The following APOD variants were observed in gnomAD, a reference collection of about 807,000 sequenced individuals.
APOD encodes apo-D.
In APOD, 22 loss-of-function variants were observed where a neutral mutation model predicts 20.4. The ratio of observed to expected loss-of-function variants is 1.08; its 90% CI spans 0.77 to 1.54. The LOEUF (loss-of-function observed/expected upper bound fraction) is 1.54. APOD is among the 40% of genes most tolerant of loss of function. The pLI is 0.00. For missense variants in APOD, 223 were observed against 229.6 expected (o/e 0.97, Z 0.19); for synonymous variants, 97 against 92.4 (o/e 1.05, Z -0.29).
intron 2 of APOD, among the ~76,000 whole-genome samples, chr3:195,576,060 A>G (rs1310322683): frequency 6.6e-6 from 1 of 152,226 alleles, no homozygotes; most frequent in African/African-American, 2.4e-5. Context: ...ATTCATGACC[A>G]TAAAGTTCTA....
chr3:195,569,785 C>G (rs1320435783), intron 4 of APOD, among the ~76,000 whole-genome samples: 1 of 86,920 alleles, frequency 1.2e-5, no homozygotes, highest in Non-Finnish European at 2.2e-5. Flanking sequence ...TCTTCTTCTT[C>G]GTTTTTTTTT....
intron 4 of APOD, among the ~76,000 whole-genome samples, chr3:195,569,902 C>T (rs1256631541): frequency 2.7e-5 from 4 of 145,760 alleles, no homozygotes; most frequent in Non-Finnish European, 5.9e-5. Context: ...TGGGTTCAAG[C>T]GATTCTCCTG....
intron 4 of APOD, 23 bp from the exon 5 acceptor site, chr3:195,569,158 A>G: frequency 1.3e-6 from 2 of 1,598,530 alleles, no homozygotes; most frequent in South Asian, 2.2e-5. Flanking sequence ...GAGAGGCAGC[A>G]TTATTGGAGG....
intron 3 of APOD, among the ~76,000 whole-genome samples, chr3:195,573,170 A>G (rs1720194844): frequency 6.6e-6 from 1 of 152,248 alleles, no homozygotes; most frequent in Non-Finnish European, 1.5e-5. Flanking sequence ...TCAGGACACC[A>G]GTCTCTGACC....
At position 195,568,792 on chromosome 3, in the gene APOD, G is replaced by T; in HGVS notation, c.*108C>A. On this transcript the variant is annotated 3_prime_UTR_variant, in exon 5 of 5. Transcript: ENST00000343267. ...AGGGTAGGGCATGGTTACATGTTCAGGTCAACTTCCTTTGTCGTGGTTGAT... is the reference window on the plus strand; with the variant it reads ...AGGGTAGGGCATGGTTACATGTTCATGTCAACTTCCTTTGTCGTGGTTGAT... 2 of 775,922 alleles carry T rather than the reference G, an allele frequency of 2.6e-6. No homozygotes were observed. Among genetic ancestry groups the T allele is most frequent in the Non-Finnish European group, 4.4e-6 (2 of 459,748 alleles). 48.1% of individuals were successfully genotyped at this position (775,922 alleles called of 1,614,324 possible).
At chr3:195,576,175 G>C (rs898562985) in intron 2 of APOD, among the ~76,000 whole-genome samples, 4 of 152,130 alleles carry the variant, frequency 2.6e-5, no homozygotes, top group Non-Finnish European at 5.9e-5. Flanking sequence ...AGACATTCTC[G>C]GAAGAAGCTC....
intron 1 of APOD, among the ~76,000 whole-genome samples, chr3:195,583,631 GT>G (rs1186951235): frequency 1.3e-5 from 2 of 152,180 alleles, no homozygotes; most frequent in Non-Finnish European, 2.9e-5. Flanking sequence ...TTCACACTGG[GT>G]TTGGTTTTAT....
intron 1 of APOD, among the ~76,000 whole-genome samples, chr3:195,581,972 C>A (rs1720346284): frequency 6.6e-6 from 1 of 152,090 alleles, no homozygotes. Context: ...AGTTCAAGAC[C>A]AGCCTGACCA....
Position 195,575,131 on chromosome 3 carries a change from C to T in APOD, c.124-1160G>A, listed in dbSNP as rs139768086. Among the ~76,000 whole-genome samples, 191 of 152,286 alleles carry T rather than the reference C, an allele frequency of 1.3e-3. 1 individual carries two copies. Among genetic ancestry groups the T allele is most frequent in the African/African-American group, 4.3e-3 (180 of 41,564 alleles). On this transcript the variant is annotated intron_variant, in intron 2 of 4. Coordinates refer to ENST00000343267, the MANE Select transcript of APOD (RefSeq NM_001647.4). ...CTTGCCTTTTCCAAGTTCTACAGGC[C>T]GCCTACATTCCTTGGCTTGAGGCTT... is the stretch of plus-strand genomic sequence containing the variant.
At chr3:195,581,822 T>C (rs1577607490) in intron 1 of APOD, among the ~76,000 whole-genome samples, 1 of 152,310 alleles carries the variant, frequency 6.6e-6, no homozygotes, top group South Asian at 2.1e-4. Context: ...AACAACCCCT[T>C]TGACTGACCC....
chr3:195,578,852 G>C (rs1172094863), intron 2 of APOD, among the ~76,000 whole-genome samples: 7 of 152,180 alleles, frequency 4.6e-5, no homozygotes, highest in Non-Finnish European at 8.8e-5. Context: ...CCCTGGTCCT[G>C]TTCCCCTCAG....
intron 3 of APOD, among the ~76,000 whole-genome samples, chr3:195,572,738 G>C (rs187110697): frequency 6.6e-6 from 1 of 152,146 alleles, no homozygotes; most frequent in East Asian, 1.9e-4. Context: ...TTGGCCGGGC[G>C]TGGTGGCTCA....
At chr3:195,572,239 C>T (rs1181722183) in intron 3 of APOD, among the ~76,000 whole-genome samples, 2 of 152,196 alleles carry the variant, frequency 1.3e-5, no homozygotes, top group Admixed American at 6.5e-5. Context: ...GGCCTGAGTC[C>T]AGAGACTCCC....
rs34868553 is a variant in APOD at position 195,571,782 on chromosome 3, C to CT, written c.246-418dup. ...CAACCCAACACACAAAGAAGATTCA[C>CT]TTTTTTTTTTTTTTGGAGATGGAGT... On this transcript the variant is annotated intron_variant, in intron 3 of 4. Transcript: ENST00000343267. 4.2e-3 allele frequency among the ~76,000 whole-genome samples: 614 copies of CT among 144,928 alleles called. 3 individuals carry two copies. Among genetic ancestry groups the CT allele is most frequent in the Middle Eastern group, 7.2e-3 (2 of 276 alleles).
intron 3 of APOD, among the ~76,000 whole-genome samples, chr3:195,572,028 G>A (rs1226925329): frequency 6.6e-6 from 1 of 152,158 alleles, no homozygotes; most frequent in Non-Finnish European, 1.5e-5. Flanking sequence ...CAATCTACCT[G>A]CCTCAGCCTC....
chr3:195,568,853 G>T lies in APOD; in HGVS notation c.*47C>A. 1.5e-6 allele frequency: 2 copies of T among 1,366,900 alleles called. No individual in the cohort carries two copies. The highest frequency in any genetic ancestry group is 2.1e-6 in the Non-Finnish European group (2 of 961,740). 84.7% of individuals were successfully genotyped at this position (1,366,900 alleles called of 1,614,324 possible). A position where few individuals can be genotyped will look rare whatever the true frequency, so the allele number is the denominator to read the frequency against. On this transcript the variant is annotated 3_prime_UTR_variant, in exon 5 of 5. Transcript: ENST00000343267. Reference sequence around the variant, plus strand: ...TTATGGGGGGGGGGTAGGGGAAAGCGAAGCAGAAGTAACATGGAGTGGGTG... The same window carrying T: ...TTATGGGGGGGGGGTAGGGGAAAGCTAAGCAGAAGTAACATGGAGTGGGTG...
At chr3:195,577,317 TGAAA>T (rs1378316291) in intron 2 of APOD, 1 of 203,854 alleles carries the variant, frequency 4.9e-6, no homozygotes, top group African/African-American at 2.4e-5. Flanking sequence ...AAAGTATTGT[TGAAA>T]GAAATTAAAG....
Position 195,569,113 on chromosome 3 carries a change from C to T in APOD, c.357G>A (p.Trp119Ter). 1 of 1,614,054 alleles carries T rather than the reference C, an allele frequency of 6.2e-7. No individual in the cohort carries two copies. The highest frequency in any genetic ancestry group is 8.5e-7 in the Non-Finnish European group (1 of 1,180,016). The change falls in exon 5 of 5, where the codon TGG becomes TGA. Residue 119 changes from tryptophan to a stop codon, truncating the protein, a stop_gained. Coordinates refer to ENST00000343267, the MANE Select transcript of APOD (RefSeq NM_001647.4). LOFTEE classifies it high-confidence loss of function. The stretch of plus-strand genomic sequence containing the variant: ...AGTTCTCATAGTCGGTGGCCAGGAT[C>T]CAGTACGGTGCCGATGGCATAACTG... ...FSWFMPSAPYWILATDYENYA... is the reference protein window; with the variant it reads ...FSWFMPSAPY
At chr3:195,580,781 G>A (rs1720325284) in intron 1 of APOD, among the ~76,000 whole-genome samples, 1 of 152,220 alleles carries the variant, frequency 6.6e-6, no homozygotes, top group African/African-American at 2.4e-5. Context: ...TGTGCAACAA[G>A]CATTTCAACC....
Sources: allele counts gnomAD v4.1 joint callset (sites outside exome capture counted in the v4.1 genomes callset), GRCh38; gene constraint gnomAD v4.1.1; transcripts MANE v1.5; gene names NCBI Gene and HGNC (gene_info 2026-07-23, HGNC 2026-07-21).